WDFY4: variants seen among roughly 807,000 people sequenced by gnomAD.
The protein encoded by WDFY4 is WD repeat- and FYVE domain-containing protein 4.
In WDFY4, 169 loss-of-function variants were observed where a neutral mutation model predicts 351.9. The ratio of observed to expected loss-of-function variants is 0.48; its 90% CI spans 0.42 to 0.55. The LOEUF is 0.55. Ranked by LOEUF, WDFY4 falls within the 20% of genes least tolerant of loss-of-function variation. WDFY4 has a pLI of 0.00. For synonymous variants in WDFY4, 1,622 were observed against 1,574.6 expected (o/e 1.03, Z -0.71); for missense variants, 3,803 against 3,935.6 (o/e 0.97, Z 0.90).
intron 22 of WDFY4, 26 bp downstream of exon 22, chr10:48,790,011 G>A (rs1180570354): frequency 1.2e-5 from 18 of 1,547,776 alleles, no homozygotes; most frequent in South Asian, 4.8e-5. Context: ...AAGCTTTGCC[G>A]CTATTTGGGA....
intron 2 of WDFY4, among the ~76,000 whole-genome samples, chr10:48,718,942 G>T (rs1404327621): frequency 6.6e-6 from 1 of 152,168 alleles, no homozygotes; most frequent in African/African-American, 2.4e-5. Flanking sequence ...AGAAAAAGGT[G>T]ATCAGGTGGG....
At chr10:48,876,488 A>C (rs1014827112) in intron 42 of WDFY4, among the ~76,000 whole-genome samples, 2 of 152,240 alleles carry the variant, frequency 1.3e-5, no homozygotes, top group African/African-American at 4.8e-5. Flanking sequence ...AAATGTCATC[A>C]GAAGTATCTG....
Position 48,826,846 on chromosome 10 carries a change from A to C in WDFY4, c.6158A>C (p.Tyr2053Ser). The C allele has an allele frequency of 6.4e-7, 1 of 1,551,756 alleles. No individual in the cohort carries two copies. The highest frequency in any genetic ancestry group is 8.7e-7 in the Non-Finnish European group (1 of 1,146,988). Residue 2053 changes from tyrosine to serine, a missense_variant, in exon 36 of 62, where the codon TAC becomes TCC. Tyr to Ser is a moderately radical substitution (Grantham distance 144, BLOSUM62 -2). This residue lies in a region of WDFY4 where 3,054 missense variants were observed against 3,148.6 expected (regional missense o/e 0.97). Transcript: ENST00000325239. ...QEHWDVVFAT[Y>S]NSNISFLLCL... Reference sequence around the variant, plus strand: ...CACTGGGATGTTGTCTTTGCCACCTACAATTCCAACATCAGCTTCCTCCTG... The same window carrying C: ...CACTGGGATGTTGTCTTTGCCACCTCCAATTCCAACATCAGCTTCCTCCTG...
chr10:48,796,200 A>C (rs1288405020), intron 23 of WDFY4, 98 bp from the exon 24 acceptor site: 2 of 1,350,132 alleles, frequency 1.5e-6, no homozygotes, highest in African/African-American at 2.9e-5. Context: ...GTAGCAGCAG[A>C]GAGCAGAAGG....
intron 47 of WDFY4, among the ~76,000 whole-genome samples, chr10:48,902,251 C>T (rs1477512009): frequency 6.6e-6 from 1 of 152,224 alleles, no homozygotes; most frequent in African/African-American, 2.4e-5. Flanking sequence ...CGCTTAGAAG[C>T]TAAATTCATA....
At chr10:48,904,813 G>T (rs1837534342) in intron 47 of WDFY4, among the ~76,000 whole-genome samples, 1 of 152,188 alleles carries the variant, frequency 6.6e-6, no homozygotes, top group Non-Finnish European at 1.5e-5. Context: ...TACCCGCCCA[G>T]CTTCTGGGGA....
At position 48,726,126 on chromosome 10, in the gene WDFY4, C is replaced by T; in HGVS notation, c.781+56C>T. 5.3e-6 allele frequency: 8 copies of T among 1,504,766 alleles called. No homozygotes were observed. In the South Asian group the frequency reaches 9.9e-5, roughly 19 times the overall value. The allele number at this position is 1,504,766 out of a possible 1,614,324, so 93.2% of individuals were successfully genotyped here. A position where few individuals can be genotyped will look rare whatever the true frequency, so the allele number is the denominator to read the frequency against. On this transcript the variant is annotated intron_variant, in intron 6 of 61. Transcript: ENST00000325239. ...GGGCCATGCAAGGGCTTCCCTTGAA[C>T]TCAGAGCAAAGGCTGAGGGCCCACT...
intron 11 of WDFY4, among the ~76,000 whole-genome samples, chr10:48,738,413 G>A (rs1266327246): frequency 6.6e-6 from 1 of 152,200 alleles, no homozygotes. Flanking sequence ...AGCACATAAG[G>A]GAAGAACACT....
intron 2 of WDFY4, among the ~76,000 whole-genome samples, chr10:48,716,906 C>T (rs1441935813): frequency 6.6e-6 from 1 of 152,212 alleles, no homozygotes; most frequent in Non-Finnish European, 1.5e-5. Flanking sequence ...GGCAAAAGGA[C>T]AGACTTTTTC....
At position 48,809,880 on chromosome 10, in the gene WDFY4, A is replaced by C. The variant is rs1367569024; in HGVS notation, c.4839-650A>C. 2.0e-5 allele frequency among the ~76,000 whole-genome samples: 3 copies of C among 152,188 alleles called. No homozygotes were observed. In the East Asian group the frequency reaches 5.8e-4, roughly 29 times the overall value. Reference sequence around the variant, plus strand: ...TATGCCTAGTGTGTCAGCTGAGAACACAGGTGGAGCCTTCACTTGTTCCCA... The same window carrying C: ...TATGCCTAGTGTGTCAGCTGAGAACCCAGGTGGAGCCTTCACTTGTTCCCA... On this transcript the variant is annotated intron_variant, in intron 28 of 61. Transcript: ENST00000325239.
chr10:48,769,852 A>G (rs1051134917), intron 13 of WDFY4, among the ~76,000 whole-genome samples: 1 of 152,260 alleles, frequency 6.6e-6, no homozygotes, highest in Non-Finnish European at 1.5e-5. Flanking sequence ...TAAGTGAAGA[A>G]TGCAGAAAAT....
Position 48,783,647 on chromosome 10 carries a change from T to C in WDFY4, c.3577-2992T>C, listed in dbSNP as rs531417885. ...ACCCTCCTACTACTTTATCATATTTTGTAATTTCAGTTTTATCCCTTTAAA... is the reference window on the plus strand; with the variant it reads ...ACCCTCCTACTACTTTATCATATTTCGTAATTTCAGTTTTATCCCTTTAAA... On this transcript the variant is annotated intron_variant, in intron 19 of 61. Transcript: ENST00000325239. 2.6e-5 allele frequency among the ~76,000 whole-genome samples: 4 copies of C among 152,332 alleles called. No homozygotes were observed. In the South Asian group the frequency reaches 6.2e-4, roughly 24 times the overall value.
intron 25 of WDFY4, among the ~76,000 whole-genome samples, chr10:48,803,779 G>T (rs1277316703): frequency 6.6e-6 from 1 of 152,210 alleles, no homozygotes; most frequent in African/African-American, 2.4e-5. Flanking sequence ...AATACAGGAA[G>T]AAAAGACCAG....
chr10:48,977,837 C>T (rs1287400339), intron 59 of WDFY4, among the ~76,000 whole-genome samples: 1 of 152,232 alleles, frequency 6.6e-6, no homozygotes, highest in Non-Finnish European at 1.5e-5. Flanking sequence ...AAAATCCAGA[C>T]CCAGTGAATG....
chr10:48,943,963 T>C (rs1439354162), intron 49 of WDFY4, among the ~76,000 whole-genome samples: 1 of 152,166 alleles, frequency 6.6e-6, no homozygotes, highest in African/African-American at 2.4e-5. Flanking sequence ...GATCCCCCTG[T>C]GGAATGATCA....
chr10:48,938,042 G>C (rs1465029687), intron 47 of WDFY4, among the ~76,000 whole-genome samples: 1 of 152,204 alleles, frequency 6.6e-6, no homozygotes, highest in Admixed American at 6.5e-5. Flanking sequence ...TAGCCCACAC[G>C]CATCAGCAGG....
intron 47 of WDFY4, among the ~76,000 whole-genome samples, chr10:48,908,803 T>C (rs548538464): frequency 2.6e-5 from 4 of 152,340 alleles, no homozygotes; most frequent in Admixed American, 2.6e-4. Flanking sequence ...CGTAGCTCTT[T>C]GTCATTTTAT....
chr10:48,726,095 G>A (rs1179754718), intron 6 of WDFY4, 25 bp downstream of exon 6: 6 of 1,526,650 alleles, frequency 3.9e-6, no homozygotes, highest in Non-Finnish European at 5.3e-6. Flanking sequence ...ATTAGATGTG[G>A]GCTGTGGGCC....
At chr10:48,979,621 G>GGATA (rs1842729804) in intron 60 of WDFY4, 1 of 151,212 alleles carries the variant, frequency 6.6e-6, no homozygotes, top group African/African-American at 2.4e-5. Flanking sequence ...ATGGATGGAT[G>GGATA]GACGGGTGGA....
Sources: gnomAD v4.1 joint callset for allele counts (sites outside exome capture counted in the v4.1 genomes callset) on GRCh38, gnomAD v4.1.1 for gene constraint, gnomAD v4.1.1 regional missense constraint, MANE v1.5 for transcripts, NCBI Gene and HGNC (gene_info 2026-07-23, HGNC 2026-07-21) for gene names.